Variants in MAGI2 observed in about 807,000 individuals in gnomAD.
The protein encoded by MAGI2 is membrane associated guanylate kinase, WW and PDZ domain containing 2.
MAGI2 carries 35 observed loss-of-function variants against 133.3 expected under a neutral mutation model. That is an observed-to-expected ratio of 0.26 (90% CI 0.20 to 0.35). The LOEUF (loss-of-function observed/expected upper bound fraction) is 0.35, where lower values mean the gene tolerates loss of function less well. Among genes scored for constraint, MAGI2 ranks in the 10% least tolerant of loss-of-function variants. The probability of loss-of-function intolerance (pLI) is 1.00; values close to 1 mark genes in which losing one functional copy is unlikely to be tolerated. For missense variants in MAGI2, 1,636 were observed against 1,863.4 expected, an observed-to-expected ratio of 0.88 and a Z score of 2.25; for synonymous variants, 729 against 710.6, an observed-to-expected ratio of 1.03 and a Z score of -0.41.
chr7:78,587,076 A>T (rs1563207272), intron 3 of MAGI2, among the ~76,000 whole-genome samples: 1 of 152,068 alleles, frequency 6.6e-6, no homozygotes, highest in African/African-American at 2.4e-5. Context: ...CCTGCTTTCA[A>T]TTTTTTTGGG....
At chr7:79,284,516 C>T (rs920801349) in intron 1 of MAGI2, among the ~76,000 whole-genome samples, 4 of 152,090 alleles carry the variant, frequency 2.6e-5, no homozygotes, top group Non-Finnish European at 4.4e-5. Context: ...CTACTCATGA[C>T]TTATTTTCTT....
At chr7:78,440,641 T>A (rs1273434414) in intron 6 of MAGI2, among the ~76,000 whole-genome samples, 1 of 152,148 alleles carries the variant, frequency 6.6e-6, no homozygotes, top group Non-Finnish European at 1.5e-5. Flanking sequence ...AAGATGAATT[T>A]GACAGTCAAG....
chr7:79,326,530 A>G (rs921298315), intron 1 of MAGI2, among the ~76,000 whole-genome samples: 3 of 152,172 alleles, frequency 2.0e-5, no homozygotes, highest in Admixed American at 1.3e-4. Context: ...GAAGAAAAGT[A>G]TTTTTAAGAA....
At chr7:79,385,963 A>C (rs1844151572) in intron 1 of MAGI2, among the ~76,000 whole-genome samples, 1 of 151,972 alleles carries the variant, frequency 6.6e-6, no homozygotes, top group East Asian at 1.9e-4. Flanking sequence ...TGCACAATAA[A>C]ATTTATTTTT....
chr7:78,424,106 C>T (rs1799053684), intron 6 of MAGI2, among the ~76,000 whole-genome samples: 1 of 152,102 alleles, frequency 6.6e-6, no homozygotes, highest in Admixed American at 6.5e-5. Flanking sequence ...GGTCTGGAGG[C>T]CTAGGAGAAA....
intron 1 of MAGI2, among the ~76,000 whole-genome samples, chr7:79,425,393 T>C (rs1847272854): frequency 6.6e-6 from 1 of 152,086 alleles, no homozygotes; most frequent in African/African-American, 2.4e-5. Flanking sequence ...TATTCTGACT[T>C]CTACGTAACT....
chr7:79,196,361 A>G (rs1300176064), intron 1 of MAGI2, among the ~76,000 whole-genome samples: 2 of 152,036 alleles, frequency 1.3e-5, no homozygotes, highest in Admixed American at 1.3e-4. Flanking sequence ...AAGCAATCAA[A>G]TGGCACCTTG....
intron 1 of MAGI2, among the ~76,000 whole-genome samples, chr7:79,241,011 A>AT (rs1832360624): frequency 6.6e-6 from 1 of 151,942 alleles, no homozygotes; most frequent in Non-Finnish European, 1.5e-5. Context: ...ACAATTATAT[A>AT]TTTTTTATTT....
chr7:79,062,736 C>G (rs1032339734), intron 1 of MAGI2, among the ~76,000 whole-genome samples: 1 of 152,130 alleles, frequency 6.6e-6, no homozygotes, highest in Non-Finnish European at 1.5e-5. Context: ...GAAGCTCCTT[C>G]CACCTCCTCC....
chr7:78,833,548 G>A (rs545357071), intron 2 of MAGI2, among the ~76,000 whole-genome samples: 3 of 152,262 alleles, frequency 2.0e-5, no homozygotes, highest in African/African-American at 7.2e-5. Context: ...AGTAAAGTTG[G>A]AGTACTTAGG....
chr7:79,031,175 T>C (rs972068793), intron 1 of MAGI2, among the ~76,000 whole-genome samples: 78 of 152,178 alleles, frequency 5.1e-4, no homozygotes, highest in Non-Finnish European at 3.8e-4. Context: ...GTGATTCATA[T>C]CTCTGCTCAA....
chr7:78,684,234 C>A (rs752729359), intron 2 of MAGI2, among the ~76,000 whole-genome samples: 1 of 151,946 alleles, frequency 6.6e-6, no homozygotes, highest in South Asian at 2.1e-4. Flanking sequence ...ATAAACTAGG[C>A]CTTGTATTTT....
intron 6 of MAGI2, among the ~76,000 whole-genome samples, chr7:78,436,604 C>T (rs974821060): frequency 6.6e-6 from 1 of 152,184 alleles, no homozygotes; most frequent in African/African-American, 2.4e-5. Context: ...GCCTATCCCA[C>T]TTTACATGAT....
chr7:78,314,297 A>G (rs1787181067), intron 9 of MAGI2, among the ~76,000 whole-genome samples: 1 of 152,120 alleles, frequency 6.6e-6, no homozygotes, highest in South Asian at 2.1e-4. Flanking sequence ...ATGCCTCTTT[A>G]TTGCTTTTTC....
chr7:78,378,819 G>A (rs1271407516), intron 6 of MAGI2, among the ~76,000 whole-genome samples: 1 of 151,834 alleles, frequency 6.6e-6, no homozygotes, highest in Non-Finnish European at 1.5e-5. Flanking sequence ...TATATGAAAG[G>A]TGGGGACAAA....
At chr7:78,288,962 C>T (rs997918359) in intron 9 of MAGI2, among the ~76,000 whole-genome samples, 1 of 152,184 alleles carries the variant, frequency 6.6e-6, no homozygotes, top group African/African-American at 2.4e-5. Flanking sequence ...TCACCATCAT[C>T]AAAGACCAAA....
chr7:79,348,320 C>T (rs1841461695), intron 1 of MAGI2, among the ~76,000 whole-genome samples: 1 of 151,806 alleles, frequency 6.6e-6, no homozygotes, highest in Admixed American at 6.6e-5. Flanking sequence ...ATTAACCATA[C>T]CTCTGGTACT....
chr7:79,318,695 C>T (rs1838935771), intron 1 of MAGI2, among the ~76,000 whole-genome samples: 1 of 152,168 alleles, frequency 6.6e-6, no homozygotes, highest in African/African-American at 2.4e-5. Flanking sequence ...AGTTTTCAGA[C>T]TCCTTTAGTA....
intron 1 of MAGI2, among the ~76,000 whole-genome samples, chr7:79,368,984 T>C (rs1020074275): frequency 1.3e-5 from 2 of 152,128 alleles, no homozygotes; most frequent in African/African-American, 4.8e-5. Flanking sequence ...GGCTAAATAT[T>C]TTTAAGATCA....
Sources: gnomAD v4.1 joint callset for allele counts (sites outside exome capture counted in the v4.1 genomes callset) on GRCh38, gnomAD v4.1.1 for gene constraint, MANE v1.5 for transcripts, NCBI Gene and HGNC (gene_info 2026-07-23, HGNC 2026-07-21) for gene names.